Variants in CCDC192 observed in about 807,000 individuals in gnomAD.
CCDC192 encodes the protein coiled-coil domain containing 192, also known as coiled-coil domain-containing protein 192.
chr5:127,810,871 A>G (rs74591131), intron 5 of CCDC192, among the ~76,000 whole-genome samples: 2,811 of 152,280 alleles, frequency 0.018, 38 homozygotes, highest in Non-Finnish European at 0.031. Context: ...TGGGATTTGC[A>G]GAAGTACCCC....
At chr5:127,745,564 C>G (rs780969970) in intron 2 of CCDC192, among the ~76,000 whole-genome samples, 1 of 152,012 alleles carries the variant, frequency 6.6e-6, no homozygotes, top group Non-Finnish European at 1.5e-5. Context: ...CATTAGGTAT[C>G]TGTATTTAGA....
At chr5:127,810,980 C>G (rs1561501795) in intron 5 of CCDC192, among the ~76,000 whole-genome samples, 1 of 152,156 alleles carries the variant, frequency 6.6e-6, no homozygotes, top group East Asian at 1.9e-4. Context: ...CCATTCAGAG[C>G]CTTGTGGCTC....
intron 3 of CCDC192, among the ~76,000 whole-genome samples, chr5:127,794,351 G>A (rs1025100059): frequency 1.3e-5 from 2 of 152,148 alleles, no homozygotes; most frequent in Non-Finnish European, 2.9e-5. Flanking sequence ...TGTATCCTTT[G>A]ATAAGTCATA....
intron 3 of CCDC192, among the ~76,000 whole-genome samples, chr5:127,787,747 G>A (rs960073399): frequency 6.6e-6 from 1 of 152,056 alleles, no homozygotes; most frequent in African/African-American, 2.4e-5. Context: ...CGTCTGTTAT[G>A]TCTAGTTGAT....
chr5:127,909,063 T>G (rs1753274657), intron 6 of CCDC192, among the ~76,000 whole-genome samples: 1 of 152,094 alleles, frequency 6.6e-6, no homozygotes, highest in Non-Finnish European at 1.5e-5. Flanking sequence ...AGGGAGGTCA[T>G]GTGATGTGAT....
intron 2 of CCDC192, chr5:127,739,671 C>G (rs529957496): frequency 6.6e-6 from 1 of 152,636 alleles, no homozygotes; most frequent in African/African-American, 2.4e-5. Flanking sequence ...GTGCAGTATT[C>G]GGGTGGGAGT....
chr5:127,711,981 T>A (rs248739), intron 2 of CCDC192, among the ~76,000 whole-genome samples: 57,793 of 151,840 alleles, frequency 0.38, 11,575 homozygotes, highest in East Asian at 0.65. Context: ...CAGGATAATG[T>A]GCCTATCTAC....
intron 6 of CCDC192, among the ~76,000 whole-genome samples, chr5:127,923,291 C>G (rs775196404): frequency 6.6e-6 from 1 of 152,092 alleles, no homozygotes; most frequent in Non-Finnish European, 1.5e-5. Context: ...TCCTTGTGAA[C>G]GGAACTCCAA....
At chr5:127,936,472 C>T (rs1195092132) in intron 6 of CCDC192, among the ~76,000 whole-genome samples, 1 of 152,206 alleles carries the variant, frequency 6.6e-6, no homozygotes, top group Admixed American at 6.5e-5. Flanking sequence ...TCTCCTCTCA[C>T]TAAATCTTTC....
At chr5:127,729,818 C>T (rs1410707909) in intron 2 of CCDC192, among the ~76,000 whole-genome samples, 1 of 152,100 alleles carries the variant, frequency 6.6e-6, no homozygotes, top group African/African-American at 2.4e-5. Flanking sequence ...TTCTTTGAAA[C>T]CAATGATAAC....
intron 6 of CCDC192, among the ~76,000 whole-genome samples, chr5:127,876,457 AC>A (rs992132616): frequency 6.6e-6 from 1 of 152,194 alleles, no homozygotes; most frequent in Admixed American, 6.5e-5. Flanking sequence ...CACAAGCAAC[AC>A]TTGGAGAGTC....
intron 5 of CCDC192, among the ~76,000 whole-genome samples, chr5:127,813,066 G>A (rs555521452): frequency 6.6e-6 from 1 of 152,310 alleles, no homozygotes; most frequent in East Asian, 1.9e-4. Flanking sequence ...ATTTTTGGAT[G>A]CATGTTCCTG....
At chr5:127,729,118 G>A (rs942380347) in intron 2 of CCDC192, among the ~76,000 whole-genome samples, 1 of 152,030 alleles carries the variant, frequency 6.6e-6, no homozygotes, top group Non-Finnish European at 1.5e-5. Flanking sequence ...TGTTGGCTAG[G>A]CTGGTCTCAA....
rs565897379 is a variant in CCDC192 at position 127,928,882 on chromosome 5, C to T, written c.536-12300C>T. ...CCAGCTTCAAGCAATTCTCCTGCCT[C>T]AGCCTCCTGAGTAGCTGGGACTACA... is the stretch of plus-strand genomic sequence containing the variant. On this transcript the variant is annotated intron_variant, in intron 6 of 6. Transcript: ENST00000514853. 9.9e-5 allele frequency among the ~76,000 whole-genome samples: 15 copies of T among 152,208 alleles called. 1 individual carries two copies. The South Asian group carries it at 2.9e-3, about 29-fold the overall frequency.
chr5:127,737,205 A>G (rs1488449580), intron 2 of CCDC192, among the ~76,000 whole-genome samples: 1 of 151,878 alleles, frequency 6.6e-6, no homozygotes, highest in Non-Finnish European at 1.5e-5. Flanking sequence ...GTCATTCAGG[A>G]GCAGGTTGTT....
At chr5:127,744,054 A>C (rs1753593456) in intron 2 of CCDC192, among the ~76,000 whole-genome samples, 1 of 149,422 alleles carries the variant, frequency 6.7e-6, no homozygotes, top group Non-Finnish European at 1.5e-5. Context: ...AGGTTGCGCC[A>C]CTGCACTCCA....
At chr5:127,918,910 CATATGTGTGT>C (rs1561551544) in intron 6 of CCDC192, among the ~76,000 whole-genome samples, 2 of 149,098 alleles carry the variant, frequency 1.3e-5, no homozygotes, top group East Asian at 2.0e-4. Flanking sequence ...TTTATGTTTG[CATATGTGTGT>C]ATATGTGTGT....
At chr5:127,709,841 CTGGT>C (rs1353513094) in intron 2 of CCDC192, among the ~76,000 whole-genome samples, 1 of 152,152 alleles carries the variant, frequency 6.6e-6, no homozygotes, top group Non-Finnish European at 1.5e-5. Flanking sequence ...CAATTTTTCT[CTGGT>C]TGGTGGGGAC....
At chr5:127,790,664 C>A (rs1259834137) in intron 3 of CCDC192, among the ~76,000 whole-genome samples, 2 of 152,186 alleles carry the variant, frequency 1.3e-5, no homozygotes, top group African/African-American at 2.4e-5. Context: ...ACTTCCATAA[C>A]ATCCACTTTT....
Sources: gnomAD v4.1 joint callset for allele counts (sites outside exome capture counted in the v4.1 genomes callset) on GRCh38, gnomAD v4.1.1 for gene constraint, MANE v1.5 for transcripts, NCBI Gene and HGNC (gene_info 2026-07-23, HGNC 2026-07-21) for gene names.